Variants in EARS2 observed in about 807,000 individuals in gnomAD.
The protein encoded by EARS2 is glutamyl-tRNA synthetase 2, mitochondrial, also known as nondiscriminating glutamyl-tRNA synthetase EARS2, mitochondrial.
Under a neutral mutation model 54.1 loss-of-function variants are expected in EARS2, and 50 were observed. The ratio of observed to expected loss-of-function variants is 0.92; its 90% CI spans 0.74 to 1.17. The LOEUF is 1.17. Among genes scored for constraint, EARS2 ranks in the 50% most tolerant of loss-of-function variants. The pLI is 0.00. For synonymous variants in EARS2, 298 were observed against 281.0 expected (o/e 1.06, Z -0.61); for missense variants, 673 against 675.0 (o/e 1.00, Z 0.03).
intron 7 of EARS2, among the ~76,000 whole-genome samples, 163 bp downstream of exon 7, chr16:23,529,339 G>A (rs986891193): frequency 7.2e-5 from 11 of 152,190 alleles, no homozygotes; most frequent in African/African-American, 2.2e-4. Context: ...CGGGTTCTCC[G>A]GGTAAGCCCT....
chr16:23,531,981 TTTTG>T (rs1358018787), intron 5 of EARS2, among the ~76,000 whole-genome samples: 9 of 152,066 alleles, frequency 5.9e-5, no homozygotes, highest in African/African-American at 2.2e-4. Flanking sequence ...TCCAGCTAAT[TTTTG>T]TATTTTTAGT....
chr16:23,543,940 G>T (rs1171362699), intron 3 of EARS2, among the ~76,000 whole-genome samples: 2 of 152,124 alleles, frequency 1.3e-5, no homozygotes, highest in East Asian at 3.8e-4. Context: ...AAACATAAAT[G>T]AATCTCATGT....
At position 23,525,319 on chromosome 16, in the gene EARS2, C is replaced by T. The variant is rs1965207262; in HGVS notation, c.1413G>A (p.Lys471=). The T allele has an allele frequency of 1.9e-6, 3 of 1,613,938 alleles. No homozygotes were observed. Among genetic ancestry groups the T allele is most frequent in the Non-Finnish European group, 2.5e-6 (3 of 1,180,000 alleles). The change falls in exon 8 of 9, where the codon AAG becomes AAA. Residue 471 remains lysine (K), a synonymous_variant. Coordinates refer to ENST00000449606, the MANE Select transcript of EARS2 (RefSeq NM_001083614.2). ...TQDMLNGELK[K]LSEGLEGTKY... ...TGGTGCCTTCCAGACCTTCTGATAG[C>T]TTCTTCAGTTCTCCATTCAGCATAT...
chr16:23,521,338 ATTATT>A lies in EARS2; in HGVS notation c.*3028_*3032del, dbSNP rs1279191888. On this transcript the variant is annotated 3_prime_UTR_variant, in exon 9 of 9. Coordinates refer to ENST00000449606, the MANE Select transcript of EARS2 (RefSeq NM_001083614.2). ...CTTATTTTCTGCCTGTATAATTTTG[ATTATT>A]TTAAGTAATTCAAATAAGTAGAATC... 6.6e-6 allele frequency among the ~76,000 whole-genome samples: 1 copy of A among 152,046 alleles called. No homozygotes were observed. Among genetic ancestry groups the A allele is most frequent in the Admixed American group, 6.6e-5 (1 of 15,248 alleles).
At chr16:23,554,074 G>T (rs891893320) in intron 1 of EARS2, among the ~76,000 whole-genome samples, 1 of 152,098 alleles carries the variant, frequency 6.6e-6, no homozygotes, top group Non-Finnish European at 1.5e-5. Context: ...CAGTGGTACA[G>T]TCACGGCTCA....
rs936304635 is a variant in EARS2, at chr16:23,523,008, G to C, written c.*1363C>G. The C allele has an allele frequency of 6.6e-6, 1 of 152,186 alleles. No homozygotes were observed. Among genetic ancestry groups the C allele is most frequent in the African/African-American group, 2.4e-5 (1 of 41,438 alleles). The allele number at this position is 152,186 out of a possible 1,614,324, so 9.4% of individuals were successfully genotyped here. ...GAAGCTGGCTTCCCCCAAAGTAAGC[G>C]ATCAAAGAAAACAAGACAGAAGCCA... On this transcript the variant is annotated 3_prime_UTR_variant, in exon 9 of 9. Transcript: ENST00000449606.
intron 2 of EARS2, among the ~76,000 whole-genome samples, chr16:23,547,025 T>TC (rs1965614364): frequency 6.6e-6 from 1 of 152,174 alleles, no homozygotes. Flanking sequence ...TAAGAGGGAC[T>TC]CCCCTAGGAG....
intron 2 of EARS2, chr16:23,550,832 T>G (rs1965683462): frequency 6.6e-6 from 1 of 152,092 alleles, no homozygotes; most frequent in African/African-American, 2.4e-5. Context: ...TTTTCTTTCT[T>G]TTTTTTTCAA....
At chr16:23,542,310 A>ATTT (rs764602136) in intron 3 of EARS2, among the ~76,000 whole-genome samples, 15 of 57,712 alleles carry the variant, frequency 2.6e-4, no homozygotes, top group South Asian at 6.4e-4. Context: ...TGGACCTTTC[A>ATTT]TTTTTCTTTT....
chr16:23,539,468 T>C (rs1231379750), intron 3 of EARS2, among the ~76,000 whole-genome samples: 1 of 152,186 alleles, frequency 6.6e-6, no homozygotes, highest in Non-Finnish European at 1.5e-5. Context: ...ACTGAGCAAG[T>C]GTCCATCATG....
Position 23,521,878 on chromosome 16 carries a change from A to C in EARS2, c.*2493T>G. ...GACAACACTCAGTAGATCAGAGTTAAGCTTGGACTCTGGATCGGCACAGAT... is the reference window on the plus strand; with the variant it reads ...GACAACACTCAGTAGATCAGAGTTACGCTTGGACTCTGGATCGGCACAGAT... On this transcript the variant is annotated 3_prime_UTR_variant, in exon 9 of 9. Coordinates refer to ENST00000449606, the MANE Select transcript of EARS2 (RefSeq NM_001083614.2). The C allele has an allele frequency of 2.2e-6, 1 of 455,994 alleles. No homozygotes were observed. The highest frequency in any genetic ancestry group is 4.4e-6 in the Non-Finnish European group (1 of 226,760). 28.2% of individuals were successfully genotyped at this position (455,994 alleles called of 1,614,324 possible).
chr16:23,543,137 A>AG (rs1965542755), intron 3 of EARS2, among the ~76,000 whole-genome samples: 1 of 141,934 alleles, frequency 7.0e-6, no homozygotes. Context: ...AAAAAAAAAA[A>AG]GTCAGGTGCA....
chr16:23,524,552 C>T, intron 8 of EARS2, 98 bp from the exon 9 acceptor site: 1 of 1,014,940 alleles, frequency 9.9e-7, no homozygotes, highest in South Asian at 1.3e-5. Context: ...AGGCCAGCCC[C>T]CACACTGCTG....
At chr16:23,544,371 AAAG>A (rs1362858288) in intron 3 of EARS2, 140 bp downstream of exon 3, 1 of 797,318 alleles carries the variant, frequency 1.3e-6, no homozygotes, top group African/African-American at 1.7e-5. Flanking sequence ...TCCCTGAGCC[AAAG>A]AAACAGGTGA....
intron 7 of EARS2, among the ~76,000 whole-genome samples, chr16:23,526,005 A>AT (rs1965220984): frequency 1.3e-5 from 2 of 151,198 alleles, no homozygotes; most frequent in African/African-American, 4.9e-5. Flanking sequence ...TTCAAAATAA[A>AT]AAAAAAAAAA....
intron 3 of EARS2, among the ~76,000 whole-genome samples, chr16:23,539,610 C>T (rs2106456): frequency 0.74 from 112,066 of 151,670 alleles, 41,876 homozygotes; most frequent in Non-Finnish European, 0.81. Flanking sequence ...CATCAGATAC[C>T]GTTAAATTAG....
chr16:23,548,742 C>T (rs941138362), intron 2 of EARS2, among the ~76,000 whole-genome samples: 3 of 152,174 alleles, frequency 2.0e-5, no homozygotes, highest in African/African-American at 4.8e-5. Context: ...ACCAAACTGT[C>T]AAGTCAGGAT....
intron 2 of EARS2, among the ~76,000 whole-genome samples, chr16:23,545,738 A>C (rs1480969286): frequency 6.6e-6 from 1 of 152,196 alleles, no homozygotes; most frequent in South Asian, 2.1e-4. Flanking sequence ...ATCATAGCAC[A>C]CTGCAGCCTC....
chr16:23,545,952 A>G (rs148119243), intron 2 of EARS2, among the ~76,000 whole-genome samples: 19 of 152,280 alleles, frequency 1.2e-4, no homozygotes, highest in African/African-American at 4.6e-4. Context: ...CCTCTCGAGT[A>G]GCTGGGATTA....
Sources: gnomAD v4.1 joint callset for allele counts (sites outside exome capture counted in the v4.1 genomes callset) on GRCh38, gnomAD v4.1.1 for gene constraint, MANE v1.5 for transcripts, NCBI Gene and HGNC (gene_info 2026-07-23, HGNC 2026-07-21) for gene names.